The following SMG6 variants were observed in gnomAD, a reference collection of about 807,000 sequenced individuals.
The protein encoded by SMG6 is telomerase-binding protein EST1A.
In SMG6, 66 loss-of-function variants were observed where a neutral mutation model predicts 142.2. That is an observed-to-expected ratio of 0.46 (90% confidence interval 0.38 to 0.57). The LOEUF (loss-of-function observed/expected upper bound fraction) is 0.57. SMG6 is among the 20% of genes least tolerant of loss of function. The pLI is 0.00. For synonymous variants in SMG6, 779 were observed against 702.4 expected (o/e 1.11, Z -1.72); for missense variants, 1,793 against 1,832.0 (o/e 0.98, Z 0.39).
intron 2 of SMG6, 121 bp downstream of exon 2, chr17:2,298,785 C>T (rs536307647): frequency 2.0e-5 from 17 of 853,554 alleles, no homozygotes; most frequent in East Asian, 1.8e-4. Flanking sequence ...TCCCTTACAA[C>T]GTGAAAAGGA....
At chr17:2,298,487 A>C (rs2075193722) in intron 2 of SMG6, among the ~76,000 whole-genome samples, 1 of 152,178 alleles carries the variant, frequency 6.6e-6, no homozygotes, top group Non-Finnish European at 1.5e-5. Flanking sequence ...TGGGAGGCCG[A>C]GGCAGGCGGA....
intron 13 of SMG6, among the ~76,000 whole-genome samples, chr17:2,123,950 A>T (rs1050628383): frequency 2.0e-5 from 3 of 152,224 alleles, no homozygotes; most frequent in Non-Finnish European, 4.4e-5. Flanking sequence ...CAGCAATCCA[A>T]CTATGTGCTT....
intron 10 of SMG6, among the ~76,000 whole-genome samples, chr17:2,190,255 G>C (rs2072118612): frequency 6.6e-6 from 1 of 152,184 alleles, no homozygotes; most frequent in South Asian, 2.1e-4. Context: ...GTCCAGAAAA[G>C]AGGGAGTTGG....
intron 13 of SMG6, among the ~76,000 whole-genome samples, chr17:2,161,718 T>TA (rs112428763): frequency 0.13 from 18,778 of 142,400 alleles, 1,312 homozygotes; most frequent in African/African-American, 0.19. Context: ...AGGATTTGTC[T>TA]AAAAAAAAAA....
chr17:2,210,556 T>C (rs369918794), intron 10 of SMG6, among the ~76,000 whole-genome samples: 4 of 151,704 alleles, frequency 2.6e-5, no homozygotes, highest in Non-Finnish European at 5.9e-5. Flanking sequence ...GAGATGACAG[T>C]TGAAACGACA....
At chr17:2,144,826 T>C (rs1454281807) in intron 13 of SMG6, among the ~76,000 whole-genome samples, 1 of 152,132 alleles carries the variant, frequency 6.6e-6, no homozygotes, top group African/African-American at 2.4e-5. Context: ...TGAGGTTTCC[T>C]AAAGCTGGAA....
chr17:2,250,511 C>CAGAA (rs2074023321), intron 8 of SMG6, among the ~76,000 whole-genome samples: 1 of 151,778 alleles, frequency 6.6e-6, no homozygotes, highest in African/African-American at 2.4e-5. Flanking sequence ...CCTCAGCCTT[C>CAGAA]TAAGTAGCTG....
intron 13 of SMG6, among the ~76,000 whole-genome samples, chr17:2,167,000 T>C (rs575274117): frequency 3.3e-5 from 5 of 151,812 alleles, no homozygotes; most frequent in Non-Finnish European, 7.4e-5. Flanking sequence ...TGGCAGCGCG[T>C]GCCCCTGTAA....
chr17:2,142,710 C>T (rs1257446316), intron 13 of SMG6, among the ~76,000 whole-genome samples: 1 of 151,584 alleles, frequency 6.6e-6, no homozygotes, highest in African/African-American at 2.4e-5. Context: ...ATGGAGAAAC[C>T]CCGTCTCTAC....
At chr17:2,281,042 C>T (rs1241529999) in intron 8 of SMG6, among the ~76,000 whole-genome samples, 5 of 152,134 alleles carry the variant, frequency 3.3e-5, no homozygotes, top group South Asian at 2.1e-4. Context: ...CAACAGAGAC[C>T]GACCCTGTTT....
intron 10 of SMG6, among the ~76,000 whole-genome samples, chr17:2,208,108 G>A (rs949591947): frequency 3.3e-5 from 5 of 152,040 alleles, no homozygotes; most frequent in African/African-American, 7.3e-5. Flanking sequence ...CAGCCTGGGC[G>A]ACAGAGGGAG....
chr17:2,198,122 T>G (rs2072388877), intron 10 of SMG6, among the ~76,000 whole-genome samples: 1 of 152,182 alleles, frequency 6.6e-6, no homozygotes, highest in South Asian at 2.1e-4. Context: ...CTGTGGAATA[T>G]CCGTACCAGG....
At chr17:2,097,964 C>A (rs1427086739) in intron 13 of SMG6, among the ~76,000 whole-genome samples, 1 of 152,118 alleles carries the variant, frequency 6.6e-6, no homozygotes, top group South Asian at 2.1e-4. Flanking sequence ...CCTTGCACTA[C>A]TGATAAACTG....
intron 13 of SMG6, among the ~76,000 whole-genome samples, chr17:2,150,481 G>A (rs1013161078): frequency 1.3e-5 from 2 of 152,060 alleles, no homozygotes; most frequent in Non-Finnish European, 2.9e-5. Context: ...TGTCATCAGG[G>A]GTAGCTCGCC....
intron 9 of SMG6, among the ~76,000 whole-genome samples, chr17:2,242,810 C>T (rs944864355): frequency 4.6e-5 from 7 of 151,786 alleles, no homozygotes; most frequent in East Asian, 1.9e-4. Context: ...AAGATGATAC[C>T]GATATCATCT....
intron 13 of SMG6, among the ~76,000 whole-genome samples, chr17:2,123,503 C>A (rs1196288532): frequency 6.6e-6 from 1 of 152,182 alleles, no homozygotes; most frequent in Non-Finnish European, 1.5e-5. Flanking sequence ...TTCTGAAACC[C>A]CAATCCCTAA....
intron 13 of SMG6, among the ~76,000 whole-genome samples, chr17:2,118,467 G>A (rs1326133586): frequency 6.6e-6 from 1 of 152,118 alleles, no homozygotes; most frequent in Non-Finnish European, 1.5e-5. Context: ...TGAACCTGGG[G>A]AGTAGAGGTA....
chr17:2,257,720 T>A lies in SMG6; in HGVS notation c.2662-13001A>T, dbSNP rs1383942959. Among the ~76,000 whole-genome samples, 3 of 152,042 alleles carry A rather than the reference T, an allele frequency of 2.0e-5. No homozygotes were observed. In the East Asian group the frequency reaches 5.8e-4, roughly 29 times the overall value. On this transcript the variant is annotated intron_variant, in intron 8 of 18. Transcript: ENST00000263073. ...GCCCAGTGGTTCCCAAACTTTACAG[T>A]ACATTGAAATTTTCCTGGCTGGGCC...
At chr17:2,111,328 G>A (rs1031244347) in intron 13 of SMG6, among the ~76,000 whole-genome samples, 4 of 152,078 alleles carry the variant, frequency 2.6e-5, no homozygotes, top group Non-Finnish European at 4.4e-5. Flanking sequence ...TATATAAGAT[G>A]GTGAATAGAA....
Sources: gnomAD v4.1 joint callset for allele counts (sites outside exome capture counted in the v4.1 genomes callset) on GRCh38, gnomAD v4.1.1 for gene constraint, MANE v1.5 for transcripts, NCBI Gene and HGNC (gene_info 2026-07-23, HGNC 2026-07-21) for gene names.